The following ADGRF5 variants were observed in gnomAD, a reference collection of about 807,000 sequenced individuals.
The protein encoded by ADGRF5 is G-protein coupled receptor 116.
Under a neutral mutation model 132.3 loss-of-function variants are expected in ADGRF5, and 75 were observed. The observed-to-expected ratio is 0.57, with a 90% CI of 0.47 to 0.69. The LOEUF (loss-of-function observed/expected upper bound fraction) is 0.69, where lower values mean the gene tolerates loss of function less well. ADGRF5 is among the 30% of genes least tolerant of loss of function. ADGRF5 has a pLI of 0.00. For missense variants in ADGRF5, 1,516 were observed against 1,630.6 expected (o/e 0.93, Z 1.21); for synonymous variants, 629 against 597.6 (o/e 1.05, Z -0.77).
intron 3 of ADGRF5, among the ~76,000 whole-genome samples, chr6:46,894,621 T>C (rs1283771347): frequency 6.6e-6 from 1 of 152,200 alleles, no homozygotes; most frequent in Non-Finnish European, 1.5e-5. Context: ...CTCATAGCTA[T>C]AAGCATGGAC....
At chr6:46,889,492 TTA>T (rs1773413427) in intron 3 of ADGRF5, among the ~76,000 whole-genome samples, 2 of 145,512 alleles carry the variant, frequency 1.4e-5, no homozygotes, top group Admixed American at 1.4e-4. Context: ...TAGTCTAAGT[TTA>T]TATATAGAGA....
chr6:46,937,038 A>G (rs1347951214), intron 1 of ADGRF5, among the ~76,000 whole-genome samples: 1 of 152,192 alleles, frequency 6.6e-6, no homozygotes, highest in Non-Finnish European at 1.5e-5. Context: ...TGGCTGCTCA[A>G]TGCTGTCGGT....
chr6:46,901,489 A>G (rs907479697), intron 2 of ADGRF5, among the ~76,000 whole-genome samples: 1 of 152,188 alleles, frequency 6.6e-6, no homozygotes, highest in Non-Finnish European at 1.5e-5. Flanking sequence ...GTTATCTCAC[A>G]TCATCACAAT....
intron 10 of ADGRF5, among the ~76,000 whole-genome samples, chr6:46,874,269 TG>T (rs1264264941): frequency 2.6e-5 from 4 of 152,204 alleles, no homozygotes; most frequent in South Asian, 4.1e-4. Context: ...GATCATCTCC[TG>T]GGGCTTGAAC....
intron 1 of ADGRF5, among the ~76,000 whole-genome samples, chr6:46,919,391 C>T (rs547162728): frequency 6.6e-6 from 1 of 152,268 alleles, no homozygotes; most frequent in South Asian, 2.1e-4. Context: ...TTACCTGTGA[C>T]ATGGTGAAAG....
At chr6:46,933,364 G>T (rs1408179938) in intron 1 of ADGRF5, among the ~76,000 whole-genome samples, 3 of 152,146 alleles carry the variant, frequency 2.0e-5, no homozygotes, top group Admixed American at 1.3e-4. Flanking sequence ...TTTAATACTG[G>T]AGAAAAGCAC....
At chr6:46,865,661 T>G (rs1030260721) in intron 13 of ADGRF5, among the ~76,000 whole-genome samples, 1 of 152,224 alleles carries the variant, frequency 6.6e-6, no homozygotes, top group East Asian at 1.9e-4. Flanking sequence ...ACTGAATGTA[T>G]GCATATTAAA....
chr6:46,930,484 C>T (rs1297310612), intron 1 of ADGRF5, among the ~76,000 whole-genome samples: 2 of 151,906 alleles, frequency 1.3e-5, no homozygotes, highest in Non-Finnish European at 2.9e-5. Context: ...ACACGGATGA[C>T]AGTAGAGATA....
rs115642717 is a variant in ADGRF5 at position 46,913,650 on chromosome 6, A to C, written c.-24-6864T>G. 4.6e-3 allele frequency among the ~76,000 whole-genome samples: 704 copies of C among 152,256 alleles called. 5 individuals are homozygous for C. Among genetic ancestry groups the C allele is most frequent in the African/African-American group, 0.016 (676 of 41,548 alleles). ...ATCCCATTGGGATGGTTGGATAGAA[A>C]CTGTACTGGGAAGAGTTATAGAGTG... On this transcript the variant is annotated intron_variant, in intron 1 of 20. Transcript: ENST00000283296.
chr6:46,894,969 G>A (rs899792958), intron 3 of ADGRF5, among the ~76,000 whole-genome samples: 1 of 152,178 alleles, frequency 6.6e-6, no homozygotes, highest in African/African-American at 2.4e-5. Context: ...ATGAGGTCAG[G>A]AGATGGAGAC....
In ADGRF5 at chr6:46,852,723, TA is replaced by T. The variant is rs1399192723; in HGVS notation, c.*1268del. The T allele has an allele frequency of 6.6e-6, 1 of 152,180 alleles. No individual in the cohort carries two copies. The highest frequency in any genetic ancestry group is 1.9e-4 in the East Asian group (1 of 5,192). 9.4% of individuals were successfully genotyped at this position (152,180 alleles called of 1,614,324 possible). A position where few individuals can be genotyped will look rare whatever the true frequency, so the allele number is the denominator to read the frequency against. On this transcript the variant is annotated 3_prime_UTR_variant, in exon 21 of 21. Coordinates refer to ENST00000283296, the MANE Select transcript of ADGRF5 (RefSeq NM_001098518.2). ...TTTGTTCAACAAGGTCAAGTGTCAT[TA>T]GGAGCACAGAACAACCGAATGTAAA...
intron 8 of ADGRF5, among the ~76,000 whole-genome samples, 184 bp downstream of exon 8, chr6:46,881,271 A>T (rs888469419): frequency 1.3e-5 from 2 of 152,066 alleles, no homozygotes; most frequent in African/African-American, 4.8e-5. Context: ...TTTTCCACAC[A>T]CCCCAGGTAC....
chr6:46,938,550 G>A (rs1165752394), intron 1 of ADGRF5, among the ~76,000 whole-genome samples: 1 of 152,124 alleles, frequency 6.6e-6, no homozygotes, highest in Non-Finnish European at 1.5e-5. Flanking sequence ...AATCCCACCA[G>A]ATGAAGGAGC....
intron 8 of ADGRF5, among the ~76,000 whole-genome samples, chr6:46,880,256 G>A (rs533766216): frequency 1.1e-4 from 16 of 152,242 alleles, no homozygotes; most frequent in East Asian, 7.7e-4. Context: ...AGGGTTTCCC[G>A]ACTGGGGTGT....
At chr6:46,900,246 T>C (rs1290592707) in intron 2 of ADGRF5, among the ~76,000 whole-genome samples, 163 bp from the exon 3 acceptor site, 1 of 152,148 alleles carries the variant, frequency 6.6e-6, no homozygotes, top group Non-Finnish European at 1.5e-5. Context: ...AATGAAATGG[T>C]TTGGAAGACA....
In ADGRF5 at chr6:46,858,747, G is replaced by C; in HGVS notation, c.3156C>G (p.Thr1052=). 6.2e-7 allele frequency: 1 copy of C among 1,614,144 alleles called. No homozygotes were observed. Among genetic ancestry groups the C allele is most frequent in the Middle Eastern group, 1.6e-4 (1 of 6,062 alleles). The change falls in exon 17 of 21, where the codon ACC becomes ACG. Residue 1052 remains threonine (T), a synonymous_variant. Coordinates refer to ENST00000283296, the MANE Select transcript of ADGRF5 (RefSeq NM_001098518.2). The part of the protein sequence containing the change: ...TKNRTSYMRH[T]CIVNIAASLL... ...GGGAGGCAGCGATATTCACTATGCA[G>C]GTGTGGCGCATATAAGAAGTCCGGT... is the stretch of plus-strand genomic sequence containing the variant.
In ADGRF5 at chr6:46,862,929, A is replaced by C; in HGVS notation, c.2158T>G (p.Cys720Gly). 1 of 1,612,970 alleles carries C rather than the reference A, an allele frequency of 6.2e-7. No individual in the cohort carries two copies. Among genetic ancestry groups the C allele is most frequent in the Non-Finnish European group, 8.5e-7 (1 of 1,179,516 alleles). Reference sequence around the variant, plus strand: ...AGACTGTTTATTGGGGCAGAGATGCAGTCATTTCTCTTCTCCTCCCACTGG... The same window carrying C: ...AGACTGTTTATTGGGGCAGAGATGCCGTCATTTCTCTTCTCCTCCCACTGG... ...GSQWEEKRND[C>G]ISAPINSLLQ... Residue 720 changes from cysteine (C) to glycine (G), a missense_variant, in exon 15 of 21, where the codon TGC becomes GGC. Physicochemically the swap from Cys to Gly is radical, Grantham distance 159 (BLOSUM62 -3). Around this residue, in one of 2 missense-constraint regions of ADGRF5, gnomAD observed 945 missense variants for 929.4 expected, o/e 1.02. Transcript: ENST00000283296.
At chr6:46,918,315 C>A (rs1442798996) in intron 1 of ADGRF5, among the ~76,000 whole-genome samples, 1 of 152,162 alleles carries the variant, frequency 6.6e-6, no homozygotes, top group Non-Finnish European at 1.5e-5. Flanking sequence ...GTAGTCCTCT[C>A]TATCAAGGAG....
rs1171407819 is a variant in ADGRF5, at chr6:46,888,349, A to G, written c.314T>C (p.Ile105Thr). The G allele has an allele frequency of 1.9e-6, 3 of 1,608,632 alleles. No homozygotes were observed. In the East Asian group the frequency reaches 6.7e-5, roughly 36 times the overall value. Residue 105 changes from isoleucine to threonine, a missense_variant, in exon 4 of 21, where the codon ATA (isoleucine) becomes ACA (threonine). Around this residue, in one of 2 missense-constraint regions of ADGRF5, gnomAD observed 945 missense variants for 929.4 expected, o/e 1.02. Coordinates refer to ENST00000283296, the MANE Select transcript of ADGRF5 (RefSeq NM_001098518.2). Reference protein sequence around the residue: ...NTDQITDILSINVTTVCRPAG... With the variant: ...NTDQITDILSTNVTTVCRPAG... The stretch of plus-strand genomic sequence containing the variant: ...CTCTTACTCACCTGTTGTCACATTT[A>G]TGCTCAAAATGTCGGTAATTTGGTC...
Sources: allele counts gnomAD v4.1 joint callset (sites outside exome capture counted in the v4.1 genomes callset), GRCh38; gene constraint gnomAD v4.1.1; regional missense constraint gnomAD v4.1.1; transcripts MANE v1.5; gene names NCBI Gene and HGNC (gene_info 2026-07-23, HGNC 2026-07-21).